The following COL5A2 variants were observed in gnomAD, a reference collection of about 807,000 sequenced individuals.
The protein encoded by COL5A2 is collagen type V alpha 2 chain, also known as collagen alpha-2(V) chain.
COL5A2 carries 23 observed loss-of-function variants against 208.2 expected under a neutral mutation model. The ratio of observed to expected loss-of-function variants is 0.11; its 90% CI spans 0.08 to 0.16. COL5A2 has a LOEUF of 0.16. Among genes scored for constraint, COL5A2 ranks in the 10% least tolerant of loss-of-function variants. The pLI is 1.00. For synonymous variants in COL5A2, 625 were observed against 628.5 expected (o/e 0.99, Z 0.08); for missense variants, 1,590 against 1,956.4 (o/e 0.81, Z 3.53).
At chr2:189,427,787 G>T in the COL5A2 span, among the ~76,000 whole-genome samples, 1 of 152,194 alleles carries the variant, frequency 6.6e-6, no homozygotes, top group Non-Finnish European at 1.5e-5. Context: ...CTGACTTTCA[G>T]ACTTGCACAG....
chr2:189,312,664 C>A, the COL5A2 span, among the ~76,000 whole-genome samples: 1 of 152,184 alleles, frequency 6.6e-6, no homozygotes, highest in Non-Finnish European at 1.5e-5. Flanking sequence ...TCGCCAGCCA[C>A]CTCCCACAGG....
At chr2:189,381,427 C>T in the COL5A2 span, among the ~76,000 whole-genome samples, 2 of 151,872 alleles carry the variant, frequency 1.3e-5, no homozygotes, top group Admixed American at 1.3e-4. Context: ...AGCTGTATTC[C>T]TATCTTTATA....
In COL5A2 at chr2:189,150,667, A is replaced by C. The variant is rs550557667; in HGVS notation, c.97+28841T>G. ...GAAAGATAAAAAGTTTTCTGTAGAC[A>C]ATAAATGTTTCTTGATGTTTATTGG... On this transcript the variant is annotated intron_variant, in intron 1 of 53. Coordinates refer to ENST00000374866, the MANE Select transcript of COL5A2 (RefSeq NM_000393.5). Among the ~76,000 whole-genome samples the C allele has an allele frequency of 5.9e-5, 9 of 152,284 alleles. No individual in the cohort carries two copies. In the East Asian group the frequency reaches 1.5e-3, roughly 26 times the overall value.
intron 35 of COL5A2, 102 bp downstream of exon 35, chr2:189,056,871 C>G: frequency 9.0e-7 from 1 of 1,116,170 alleles, no homozygotes; most frequent in Non-Finnish European, 1.4e-6. Context: ...TCCTGACTAC[C>G]AAGGAAACAT....
the COL5A2 span, among the ~76,000 whole-genome samples, chr2:189,358,155 G>A: frequency 1.3e-5 from 2 of 151,674 alleles, no homozygotes; most frequent in African/African-American, 4.8e-5. Context: ...CTGCAGACTG[G>A]AGCTGTTCCT....
At chr2:189,053,372 T>G (rs75502372) in intron 38 of COL5A2, 52 bp downstream of exon 38, 2 of 1,452,280 alleles carry the variant, frequency 1.4e-6, no homozygotes, top group Non-Finnish European at 1.9e-6. Context: ...ATTAAACTTA[T>G]TATAACAAGA....
chr2:189,213,121 C>T (rs1689236480), intron 1 of COL5A2, among the ~76,000 whole-genome samples: 1 of 151,806 alleles, frequency 6.6e-6, no homozygotes, highest in African/African-American at 2.4e-5. Flanking sequence ...AACTCCTGAC[C>T]TCAGGTGATC....
rs548375591 is a variant in COL5A2, at chr2:189,072,820, A to G, written c.1105-727T>C. 4.6e-5 allele frequency among the ~76,000 whole-genome samples: 7 copies of G among 150,984 alleles called. No homozygotes were observed. The East Asian group carries it at 1.2e-3, about 25-fold the overall frequency. On this transcript the variant is annotated intron_variant, in intron 17 of 53. Transcript: ENST00000374866. ...ATATTTTAGAGAGGTTTTTCAGGCA[A>G]TAAGTGGATATTTATGGATATTTAT...
chr2:189,096,398 T>C (rs970828963), intron 6 of COL5A2, among the ~76,000 whole-genome samples: 1 of 151,960 alleles, frequency 6.6e-6, no homozygotes, highest in African/African-American at 2.4e-5. Context: ...AAAAACGTTG[T>C]AGGGAGGCCG....
chr2:189,062,375 G>T (rs1205501159), intron 29 of COL5A2, among the ~76,000 whole-genome samples: 1 of 151,618 alleles, frequency 6.6e-6, no homozygotes, highest in Non-Finnish European at 1.5e-5. Context: ...ATAGAGACAG[G>T]GTTTCACCAT....
intron 1 of COL5A2, among the ~76,000 whole-genome samples, chr2:189,126,872 C>T (rs1384400408): frequency 6.6e-6 from 1 of 152,064 alleles, no homozygotes; most frequent in Non-Finnish European, 1.5e-5. Flanking sequence ...CCAACAAATA[C>T]TGAGTACCTA....
the COL5A2 span, among the ~76,000 whole-genome samples, chr2:189,300,442 G>C: frequency 6.6e-6 from 1 of 152,182 alleles, no homozygotes; most frequent in Non-Finnish European, 1.5e-5. Flanking sequence ...ATAAAAAAAT[G>C]TGTGTATATG....
At chr2:189,089,002 A>C (rs1439043678) in intron 7 of COL5A2, among the ~76,000 whole-genome samples, 3 of 152,214 alleles carry the variant, frequency 2.0e-5, no homozygotes, top group African/African-American at 7.2e-5. Context: ...GCTCCAGAGC[A>C]GTTTCTGAAA....
chr2:189,358,894 C>G, the COL5A2 span, among the ~76,000 whole-genome samples: 1 of 151,680 alleles, frequency 6.6e-6, no homozygotes, highest in Non-Finnish European at 1.5e-5. Context: ...TGTGTAGAAG[C>G]ACTACTAATA....
At chr2:189,209,335 C>T (rs1017934505) in intron 1 of COL5A2, among the ~76,000 whole-genome samples, 26 of 152,138 alleles carry the variant, frequency 1.7e-4, no homozygotes, top group Non-Finnish European at 7.4e-5. Flanking sequence ...TTTCAATATT[C>T]TAGCCAAGAG....
chr2:189,378,729 A>C, the COL5A2 span, among the ~76,000 whole-genome samples: 14 of 150,642 alleles, frequency 9.3e-5, no homozygotes, highest in Admixed American at 1.3e-4. Context: ...GTCTCAACAA[A>C]AAAAAAAAAA....
At chr2:189,376,847 T>C in the COL5A2 span, among the ~76,000 whole-genome samples, 1 of 152,128 alleles carries the variant, frequency 6.6e-6, no homozygotes, top group Non-Finnish European at 1.5e-5. Flanking sequence ...AGGCACTATG[T>C]TCCACTTTGC....
At chr2:189,160,018 A>G (rs186773941) in intron 1 of COL5A2, among the ~76,000 whole-genome samples, 1 of 152,322 alleles carries the variant, frequency 6.6e-6, no homozygotes, top group East Asian at 1.9e-4. Flanking sequence ...AGCACTGAAC[A>G]CAAATAATTT....
the COL5A2 span, among the ~76,000 whole-genome samples, chr2:189,341,670 A>C: frequency 1.3e-5 from 2 of 152,146 alleles, no homozygotes; most frequent in African/African-American, 2.4e-5. Flanking sequence ...GGTGACATTC[A>C]CCACTAGAAT....
Sources: allele counts gnomAD v4.1 joint callset (sites outside exome capture counted in the v4.1 genomes callset), GRCh38; gene constraint gnomAD v4.1.1; transcripts MANE v1.5; gene names NCBI Gene and HGNC (gene_info 2026-07-23, HGNC 2026-07-21).